The following SLF1 variants were observed in gnomAD, a reference collection of about 807,000 sequenced individuals.
SLF1 encodes SMC5-SMC6 complex localization factor protein 1.
Under a neutral mutation model 123.0 loss-of-function variants are expected in SLF1, and 105 were observed. The observed-to-expected ratio is 0.85, with a 90% confidence interval of 0.73 to 1.00. SLF1 has a LOEUF of 1.00. Among genes scored for constraint, SLF1 ranks in the 50% least tolerant of loss-of-function variants. The pLI, the probability that SLF1 is intolerant of heterozygous loss-of-function variation, is 0.00. For synonymous variants in SLF1, 434 were observed against 406.6 expected, an observed-to-expected ratio of 1.07 and a Z score of -0.81; for missense variants, 1,239 against 1,223.0, an observed-to-expected ratio of 1.01 and a Z score of -0.20.
rs926877686 is a variant in SLF1 at position 94,653,584 on chromosome 5, A to C, written c.1032+163A>C. Among the ~76,000 whole-genome samples the C allele has an allele frequency of 2.6e-5, 4 of 152,328 alleles. No individual in the cohort carries two copies. In the South Asian group the frequency reaches 8.3e-4, roughly 32 times the overall value. On this transcript the variant is annotated intron_variant, in intron 8 of 20. Coordinates refer to ENST00000265140, the MANE Select transcript of SLF1 (RefSeq NM_032290.4). Reference sequence around the variant, plus strand: ...GTTAACTTTGGTTCACAGTAAATGTACTTGTACATGCATATACAAAGAAAT... The same window carrying C: ...GTTAACTTTGGTTCACAGTAAATGTCCTTGTACATGCATATACAAAGAAAT...
chr5:94,679,842 G>A (rs1751559794), intron 15 of SLF1, among the ~76,000 whole-genome samples: 1 of 152,062 alleles, frequency 6.6e-6, no homozygotes, highest in South Asian at 2.1e-4. Flanking sequence ...AATTCTTTGG[G>A]CCTCTAGACT....
intron 10 of SLF1, among the ~76,000 whole-genome samples, chr5:94,663,255 A>G (rs1384433780): frequency 1.3e-5 from 2 of 152,372 alleles, no homozygotes; most frequent in East Asian, 3.9e-4. Flanking sequence ...AACAAGTAAT[A>G]AAATACATTC....
At chr5:94,678,409 T>C (rs1435019765) in intron 14 of SLF1, 1 of 153,634 alleles carries the variant, frequency 6.5e-6, no homozygotes, top group African/African-American at 2.4e-5. Context: ...AAAGAATAAT[T>C]CTGTATATAA....
At chr5:94,684,925 G>A (rs1286836057) in intron 15 of SLF1, among the ~76,000 whole-genome samples, 3 of 152,196 alleles carry the variant, frequency 2.0e-5, no homozygotes, top group Non-Finnish European at 4.4e-5. Context: ...TACTGATTAT[G>A]TTTTGGGCTG....
chr5:94,641,071 A>G (rs749851099), intron 4 of SLF1, among the ~76,000 whole-genome samples: 2 of 152,140 alleles, frequency 1.3e-5, no homozygotes, highest in Non-Finnish European at 2.9e-5. Flanking sequence ...TGATGTGAAT[A>G]TTTATATCCA....
intron 16 of SLF1, among the ~76,000 whole-genome samples, chr5:94,688,031 G>A (rs1752649483): frequency 7.9e-6 from 1 of 126,208 alleles, no homozygotes; most frequent in Non-Finnish European, 1.7e-5. Flanking sequence ...TCTATCTTTA[G>A]ATATTAATAT....
At chr5:94,654,403 A>C (rs1163543352) in intron 8 of SLF1, among the ~76,000 whole-genome samples, 3 of 151,852 alleles carry the variant, frequency 2.0e-5, no homozygotes, top group African/African-American at 7.2e-5. Flanking sequence ...AGAAAAAAAA[A>C]AAAAAAGAAA....
At chr5:94,688,187 A>T (rs185271552) in intron 16 of SLF1, among the ~76,000 whole-genome samples, 1 of 152,146 alleles carries the variant, frequency 6.6e-6, no homozygotes, top group Non-Finnish European at 1.5e-5. Flanking sequence ...TATGTAAATC[A>T]TACATATAAA....
chr5:94,696,600 A>C lies in SLF1; in HGVS notation c.*1288A>C, dbSNP rs1171546413. 2 of 151,832 alleles carry C rather than the reference A, an allele frequency of 1.3e-5. No homozygotes were observed. The highest frequency in any genetic ancestry group is 1.3e-4 in the Admixed American group (2 of 15,198). The allele number at this position is 151,832 out of a possible 1,614,324, so 9.4% of individuals were successfully genotyped here. A position where few individuals can be genotyped will look rare whatever the true frequency, so the allele number is the denominator to read the frequency against. On this transcript the variant is annotated 3_prime_UTR_variant, in exon 21 of 21. Coordinates refer to ENST00000265140, the MANE Select transcript of SLF1 (RefSeq NM_032290.4). ...AAGAGTTTAAATGCTTATAGAGAGTAAAGTGCTTCTCCAGATGATGAATAA... is the reference window on the plus strand; with the variant it reads ...AAGAGTTTAAATGCTTATAGAGAGTCAAGTGCTTCTCCAGATGATGAATAA...
intron 10 of SLF1, among the ~76,000 whole-genome samples, chr5:94,662,905 TTTA>T (rs1377044668): frequency 1.3e-5 from 2 of 152,192 alleles, no homozygotes; most frequent in African/African-American, 4.8e-5. Flanking sequence ...GGTAGTTACT[TTTA>T]TTATTAAGAA....
chr5:94,620,293 C>T (rs190859803), intron 1 of SLF1: 4 of 152,314 alleles, frequency 2.6e-5, no homozygotes, highest in Admixed American at 2.6e-4. Flanking sequence ...ATTCTGTTTT[C>T]TAAATCCAGA....
intron 9 of SLF1, among the ~76,000 whole-genome samples, chr5:94,657,658 T>G (rs1748569756): frequency 6.6e-6 from 1 of 152,096 alleles, no homozygotes. Context: ...CAATTGTTAC[T>G]GTGTTGAAGT....
chr5:94,681,631 A>G (rs948219719), intron 15 of SLF1, among the ~76,000 whole-genome samples: 6 of 151,178 alleles, frequency 4.0e-5, no homozygotes, highest in African/African-American at 7.3e-5. Flanking sequence ...ATATCTCCCA[A>G]TGCTAACCCT....
At chr5:94,685,921 T>C (rs1394419722) in intron 15 of SLF1, among the ~76,000 whole-genome samples, 2 of 152,116 alleles carry the variant, frequency 1.3e-5, no homozygotes, top group Admixed American at 6.5e-5. Flanking sequence ...CGTTTCATGT[T>C]TTTCTTCTTT....
chr5:94,619,230 C>T (rs1791380659), intron 1 of SLF1, among the ~76,000 whole-genome samples: 1 of 152,166 alleles, frequency 6.6e-6, no homozygotes, highest in African/African-American at 2.4e-5. Flanking sequence ...CTGGGATACC[C>T]CAGGCCCACT....
intron 4 of SLF1, among the ~76,000 whole-genome samples, chr5:94,633,409 A>C (rs1432971003): frequency 6.6e-6 from 1 of 152,222 alleles, no homozygotes; most frequent in Non-Finnish European, 1.5e-5. Flanking sequence ...ATTTTTAAAA[A>C]TGATTTTTGT....
At chr5:94,674,591 G>A (rs761820460) in intron 14 of SLF1, among the ~76,000 whole-genome samples, 2 of 152,048 alleles carry the variant, frequency 1.3e-5, no homozygotes, top group East Asian at 3.8e-4. Flanking sequence ...ATCATTTTCT[G>A]TACTGTAAAG....
At chr5:94,685,468 T>C (rs923220145) in intron 15 of SLF1, among the ~76,000 whole-genome samples, 2 of 152,170 alleles carry the variant, frequency 1.3e-5, no homozygotes, top group African/African-American at 2.4e-5. Context: ...GTTGGTCTTA[T>C]TTATTCTTTC....
intron 4 of SLF1, among the ~76,000 whole-genome samples, chr5:94,640,946 A>C (rs1158072113): frequency 6.6e-6 from 1 of 152,064 alleles, no homozygotes; most frequent in African/African-American, 2.4e-5. Context: ...TTCAGTGTAT[A>C]CTGTTGATTC....
Sources: gnomAD v4.1 joint callset for allele counts (sites outside exome capture counted in the v4.1 genomes callset) on GRCh38, gnomAD v4.1.1 for gene constraint, MANE v1.5 for transcripts, NCBI Gene and HGNC (gene_info 2026-07-23, HGNC 2026-07-21) for gene names.